Variants in UBE2H observed in about 807,000 individuals in gnomAD.
UBE2H encodes the protein ubiquitin-conjugating enzyme E2 H.
In UBE2H, 3 loss-of-function variants were observed where a neutral mutation model predicts 29.0. The observed-to-expected ratio is 0.10, with a 90% CI of 0.05 to 0.27. UBE2H has a LOEUF of 0.27. UBE2H is among the 10% of genes least tolerant of loss of function. The pLI, the probability that UBE2H is intolerant of heterozygous loss-of-function variation, is 1.00. For synonymous variants in UBE2H, 69 were observed against 82.9 expected (o/e 0.83, Z 0.91); for missense variants, 68 against 228.2 (o/e 0.30, Z 4.52).
chr7:129,858,223 T>A (rs192252814), intron 4 of UBE2H, among the ~76,000 whole-genome samples: 1 of 152,148 alleles, frequency 6.6e-6, no homozygotes, highest in Admixed American at 6.5e-5. Context: ...TAAGAGAATA[T>A]CCTTGTTAGG....
intron 1 of UBE2H, among the ~76,000 whole-genome samples, chr7:129,942,030 C>T (rs893635478): frequency 2.6e-5 from 4 of 151,716 alleles, no homozygotes; most frequent in Non-Finnish European, 5.9e-5. Flanking sequence ...GCCAACATGG[C>T]GCAACCCTGT....
At chr7:129,941,134 T>C (rs1267045560) in intron 1 of UBE2H, among the ~76,000 whole-genome samples, 1 of 152,050 alleles carries the variant, frequency 6.6e-6, no homozygotes, top group African/African-American at 2.4e-5. Flanking sequence ...TTTTGTATTT[T>C]AGTAGAGACA....
chr7:129,952,476 G>A, intron 1 of UBE2H, 27 bp downstream of exon 1: 2 of 1,610,758 alleles, frequency 1.2e-6, no homozygotes, highest in Non-Finnish European at 1.7e-6. Context: ...CCCACACACA[G>A]CCCGAATTCC....
chr7:129,915,332 C>T (rs1347591998), intron 1 of UBE2H, among the ~76,000 whole-genome samples: 1 of 152,070 alleles, frequency 6.6e-6, no homozygotes. Context: ...GTCAGGAGAT[C>T]GAGACCATCC....
chr7:129,889,614 T>C (rs867649747), intron 1 of UBE2H, among the ~76,000 whole-genome samples: 40 of 152,212 alleles, frequency 2.6e-4, no homozygotes, highest in African/African-American at 9.2e-4. Context: ...TATCTCCTAC[T>C]GCAGTGCAAG....
intron 5 of UBE2H, among the ~76,000 whole-genome samples, chr7:129,856,392 T>TA (rs1318455195): frequency 4.6e-5 from 7 of 152,188 alleles, no homozygotes; most frequent in Non-Finnish European, 1.0e-4. Flanking sequence ...GGCACTGTGA[T>TA]AAGAGTCCTG....
intron 1 of UBE2H, among the ~76,000 whole-genome samples, chr7:129,910,215 G>C (rs1012697170): frequency 4.9e-4 from 75 of 151,982 alleles, no homozygotes; most frequent in African/African-American, 1.8e-3. Flanking sequence ...TGTAATCCCA[G>C]CTACTCAAGA....
rs141579862 is a variant in UBE2H, at chr7:129,852,703, A to G, written c.298+4808T>C. On this transcript the variant is annotated intron_variant, in intron 5 of 6. Coordinates refer to ENST00000355621, the MANE Select transcript of UBE2H (RefSeq NM_003344.4). ...CAATTTCATAAGAAAATTGTCTTCCACCTCACTTCTCCACAACTTTTTTTT... is the reference window on the plus strand; with the variant it reads ...CAATTTCATAAGAAAATTGTCTTCCGCCTCACTTCTCCACAACTTTTTTTT... Among the ~76,000 whole-genome samples the G allele has an allele frequency of 1.1e-3, 167 of 151,898 alleles. 4 individuals are homozygous for G. The East Asian group carries it at 0.025, about 22-fold the overall frequency.
chr7:129,903,293 A>G (rs1295591649), intron 1 of UBE2H, among the ~76,000 whole-genome samples: 1 of 152,232 alleles, frequency 6.6e-6, no homozygotes, highest in Non-Finnish European at 1.5e-5. Context: ...CAGTTGTGCT[A>G]AAATAGATCA....
rs995507488 is a variant in UBE2H at position 129,948,174 on chromosome 7, T to C, written c.53+4329A>G. On this transcript the variant is annotated intron_variant, in intron 1 of 6. Coordinates refer to ENST00000355621, the MANE Select transcript of UBE2H (RefSeq NM_003344.4). ...TGTGCCAGCTTTTTTTTTTTTTTAA[T>C]TAAGAGAGTCTTGCTCTGTTGCCCA... 3.3e-5 allele frequency among the ~76,000 whole-genome samples: 5 copies of C among 151,102 alleles called. No individual in the cohort carries two copies. The South Asian group carries it at 8.4e-4, about 25-fold the overall frequency.
chr7:129,861,130 TAGAG>T (rs1563025270), intron 3 of UBE2H, among the ~76,000 whole-genome samples: 2 of 151,556 alleles, frequency 1.3e-5, no homozygotes, highest in Admixed American at 1.3e-4. Flanking sequence ...GAGACCGAGG[TAGAG>T]AATCACTTGA....
chr7:129,841,236 T>C (rs992985730), intron 5 of UBE2H, among the ~76,000 whole-genome samples: 1 of 152,208 alleles, frequency 6.6e-6, no homozygotes, highest in Non-Finnish European at 1.5e-5. Flanking sequence ...GCAGCCAAAG[T>C]ATAGGTCAAC....
At chr7:129,901,984 G>C (rs1806725427) in intron 1 of UBE2H, among the ~76,000 whole-genome samples, 6 of 152,104 alleles carry the variant, frequency 3.9e-5, no homozygotes, top group Admixed American at 3.3e-4. Context: ...GAACAATGTG[G>C]AGTATTTAAC....
At chr7:129,877,218 T>C (rs1273784121) in intron 3 of UBE2H, among the ~76,000 whole-genome samples, 3 of 152,224 alleles carry the variant, frequency 2.0e-5, no homozygotes, top group African/African-American at 7.2e-5. Flanking sequence ...AGATGTTTGA[T>C]CTAAATTTGC....
chr7:129,849,970 G>A (rs1805579881), intron 5 of UBE2H, among the ~76,000 whole-genome samples: 1 of 152,106 alleles, frequency 6.6e-6, no homozygotes, highest in Non-Finnish European at 1.5e-5. Flanking sequence ...GGCCATGCAG[G>A]CAACAAAACA....
chr7:129,894,081 G>A (rs1188864367), intron 1 of UBE2H, among the ~76,000 whole-genome samples: 1 of 152,208 alleles, frequency 6.6e-6, no homozygotes, highest in Non-Finnish European at 1.5e-5. Flanking sequence ...CTTGAGCCTG[G>A]GAGGCAGAGG....
At chr7:129,885,476 C>T (rs1241926903) in intron 1 of UBE2H, among the ~76,000 whole-genome samples, 3 of 152,002 alleles carry the variant, frequency 2.0e-5, no homozygotes, top group African/African-American at 4.8e-5. Flanking sequence ...TACCTGGATG[C>T]GATAAAACGA....
rs572257065 is a variant in UBE2H, at chr7:129,884,087, C to T, written c.54-3116G>A. On this transcript the variant is annotated intron_variant, in intron 1 of 6. Coordinates refer to ENST00000355621, the MANE Select transcript of UBE2H (RefSeq NM_003344.4). ...GTCCAGCCTGGGTGACAGAGTGTGA[C>T]TCTGTCTCAAAAAACTAAATAAAAA... is the stretch of plus-strand genomic sequence containing the variant. 2.0e-5 allele frequency among the ~76,000 whole-genome samples: 3 copies of T among 152,036 alleles called. 1 individual carries two copies. The highest frequency in any genetic ancestry group is 1.9e-4 in the East Asian group (1 of 5,154).
intron 1 of UBE2H, among the ~76,000 whole-genome samples, chr7:129,896,259 T>C (rs942832784): frequency 3.0e-4 from 46 of 151,194 alleles, no homozygotes; most frequent in Non-Finnish European, 4.6e-4. Context: ...ATCGCTTGAA[T>C]CTAGGAGGCA....
Sources: gnomAD v4.1 joint callset for allele counts (sites outside exome capture counted in the v4.1 genomes callset) on GRCh38, gnomAD v4.1.1 for gene constraint, MANE v1.5 for transcripts, NCBI Gene and HGNC (gene_info 2026-07-23, HGNC 2026-07-21) for gene names.